Variants in NKAIN2 observed in about 807,000 individuals in gnomAD.
NKAIN2 encodes the protein sodium/potassium-transporting ATPase subunit beta-1-interacting protein 2.
Under a neutral mutation model 32.6 loss-of-function variants are expected in NKAIN2, and 14 were observed. The observed-to-expected ratio is 0.43, with a 90% CI of 0.28 to 0.67. NKAIN2 has a LOEUF of 0.67. NKAIN2 is among the 30% of genes least tolerant of loss of function. The probability of loss-of-function intolerance (pLI) is 0.17; values close to 1 mark genes in which losing one functional copy is unlikely to be tolerated. For synonymous variants in NKAIN2, 80 were observed against 87.2 expected (o/e 0.92, Z 0.46); for missense variants, 198 against 258.3 (o/e 0.77, Z 1.60).
At chr6:124,650,088 C>A (rs539310528) in intron 3 of NKAIN2, among the ~76,000 whole-genome samples, 41 of 152,264 alleles carry the variant, frequency 2.7e-4, no homozygotes, top group African/African-American at 9.6e-4. Flanking sequence ...AGATCAGGAA[C>A]AAAGCAGGGT....
At chr6:124,257,527 T>G (rs1327722018) in intron 1 of NKAIN2, among the ~76,000 whole-genome samples, 1 of 152,138 alleles carries the variant, frequency 6.6e-6, no homozygotes, top group Non-Finnish European at 1.5e-5. Flanking sequence ...TTTATGTAAA[T>G]AAAAACTCAA....
chr6:124,246,225 C>G (rs766788686), intron 1 of NKAIN2, among the ~76,000 whole-genome samples: 4 of 152,030 alleles, frequency 2.6e-5, no homozygotes, highest in Non-Finnish European at 5.9e-5. Context: ...GTTCTTTCCC[C>G]CACAGTGCCA....
chr6:124,135,727 A>T (rs1175914406), intron 1 of NKAIN2, among the ~76,000 whole-genome samples: 2 of 152,072 alleles, frequency 1.3e-5, no homozygotes, highest in African/African-American at 4.8e-5. Flanking sequence ...TCCAAAAGGA[A>T]CCCTCAAACC....
At chr6:124,256,386 A>G (rs1793932583) in intron 1 of NKAIN2, among the ~76,000 whole-genome samples, 1 of 152,224 alleles carries the variant, frequency 6.6e-6, no homozygotes, top group African/African-American at 2.4e-5. Context: ...AATCTGATCA[A>G]TTTTAAATTT....
At chr6:124,441,659 T>G (rs1056604376) in intron 3 of NKAIN2, among the ~76,000 whole-genome samples, 6 of 152,068 alleles carry the variant, frequency 3.9e-5, no homozygotes, top group African/African-American at 1.4e-4. Flanking sequence ...GATGATTCTA[T>G]TCCCCAGCCT....
chr6:124,241,237 AAG>A (rs1292435538), intron 1 of NKAIN2, among the ~76,000 whole-genome samples: 1 of 152,208 alleles, frequency 6.6e-6, no homozygotes, highest in Non-Finnish European at 1.5e-5. Flanking sequence ...TCAAGGAAAT[AAG>A]AGAGGATACA....
intron 3 of NKAIN2, among the ~76,000 whole-genome samples, chr6:124,642,690 T>C (rs912480566): frequency 1.1e-4 from 16 of 152,234 alleles, no homozygotes; most frequent in African/African-American, 3.9e-4. Context: ...TTATTCATCA[T>C]GGATTTTCCT....
At chr6:124,509,384 T>C in intron 3 of NKAIN2, among the ~76,000 whole-genome samples, 1 of 152,306 alleles carries the variant, frequency 6.6e-6, no homozygotes, top group East Asian at 1.9e-4. Context: ...GTAGTACACT[T>C]TACCCATGAC....
At chr6:124,573,757 TA>T (rs1033149220) in intron 3 of NKAIN2, among the ~76,000 whole-genome samples, 2 of 152,190 alleles carry the variant, frequency 1.3e-5, no homozygotes, top group Admixed American at 6.5e-5. Flanking sequence ...GAATGATGTA[TA>T]GCAGACTAGT....
chr6:123,983,747 T>TA (rs1779008220), intron 1 of NKAIN2, among the ~76,000 whole-genome samples: 1 of 19,130 alleles, frequency 5.2e-5, no homozygotes, highest in African/African-American at 1.7e-4. Context: ...ATATATATAT[T>TA]TTTTTTTTCT....
chr6:124,013,767 C>G (rs908780492), intron 1 of NKAIN2, among the ~76,000 whole-genome samples: 3 of 152,146 alleles, frequency 2.0e-5, no homozygotes, highest in African/African-American at 7.2e-5. Context: ...TGCAGAAACT[C>G]TTTCCCAACT....
At chr6:124,508,320 T>G (rs1300640832) in intron 3 of NKAIN2, among the ~76,000 whole-genome samples, 1 of 150,994 alleles carries the variant, frequency 6.6e-6, no homozygotes, top group Non-Finnish European at 1.5e-5. Flanking sequence ...GAAAATGAAA[T>G]GAGCTTGTAT....
intron 1 of NKAIN2, among the ~76,000 whole-genome samples, chr6:123,849,611 C>T (rs1295742661): frequency 2.0e-5 from 3 of 152,008 alleles, no homozygotes; most frequent in East Asian, 1.9e-4. Flanking sequence ...AAAGCAGTTT[C>T]GGCAGTCTGC....
intron 1 of NKAIN2, among the ~76,000 whole-genome samples, chr6:124,080,499 AT>A (rs2114904960): frequency 1.3e-5 from 2 of 152,178 alleles, no homozygotes; most frequent in South Asian, 2.1e-4. Context: ...TGTCTTAAAT[AT>A]TTTTTATCAA....
intron 3 of NKAIN2, among the ~76,000 whole-genome samples, chr6:124,435,322 T>C (rs1459133068): frequency 1.3e-5 from 2 of 152,158 alleles, no homozygotes; most frequent in Non-Finnish European, 2.9e-5. Flanking sequence ...CAAAGCTCTA[T>C]TTCTGGCCCC....
At chr6:124,741,227 A>G (rs1011562603) in intron 4 of NKAIN2, among the ~76,000 whole-genome samples, 12 of 151,616 alleles carry the variant, frequency 7.9e-5, no homozygotes, top group Admixed American at 1.3e-4. Context: ...AGAAATGCCA[A>G]TTAGGCAAGT....
At chr6:123,853,050 A>C (rs1387852243) in intron 1 of NKAIN2, among the ~76,000 whole-genome samples, 1 of 152,230 alleles carries the variant, frequency 6.6e-6, no homozygotes, top group African/African-American at 2.4e-5. Flanking sequence ...GATGTTTCCT[A>C]AATAAGCACT....
intron 3 of NKAIN2, among the ~76,000 whole-genome samples, chr6:124,619,535 A>T (rs1348748203): frequency 6.6e-6 from 1 of 152,198 alleles, no homozygotes; most frequent in African/African-American, 2.4e-5. Context: ...CAAAAGTTAT[A>T]AAACAAGTAT....
Position 124,791,924 on chromosome 6 carries a change from T to C in NKAIN2, c.535+525T>C, listed in dbSNP as rs150427677. Among the ~76,000 whole-genome samples the C allele has an allele frequency of 3.7e-4, 56 of 152,266 alleles. 2 individuals are homozygous for C. The East Asian group carries it at 0.01, about 27-fold the overall frequency. On this transcript the variant is annotated intron_variant, in intron 5 of 6. Coordinates refer to ENST00000368417, the MANE Select transcript of NKAIN2 (RefSeq NM_001040214.3). ...GTTCCTACTATTTGACACAAATGGC[T>C]AGAACTCTAACTATGTCAAAGTCTC...
Sources: gnomAD v4.1 joint callset for allele counts (sites outside exome capture counted in the v4.1 genomes callset) on GRCh38, gnomAD v4.1.1 for gene constraint, MANE v1.5 for transcripts, NCBI Gene and HGNC (gene_info 2026-07-23, HGNC 2026-07-21) for gene names.